The following AKAP6 variants were observed in gnomAD, a reference collection of about 807,000 sequenced individuals.
AKAP6 encodes A-kinase anchor protein 6.
A neutral mutation model predicts 188.5 loss-of-function variants in AKAP6; 58 were observed. The ratio of observed to expected loss-of-function variants is 0.31; its 90% CI spans 0.25 to 0.38. The LOEUF is 0.38. Among genes scored for constraint, AKAP6 ranks in the 10% least tolerant of loss-of-function variants. AKAP6 has a pLI of 1.00. For missense variants in AKAP6, 2,710 were observed against 2,740.0 expected, an observed-to-expected ratio of 0.99 and a Z score of 0.24; for synonymous variants, 989 against 998.6, an observed-to-expected ratio of 0.99 and a Z score of 0.18.
intron 8 of AKAP6, 140 bp from the exon 9 acceptor site, chr14:32,695,850 T>C: frequency 9.2e-7 from 1 of 1,083,764 alleles, no homozygotes; most frequent in Non-Finnish European, 1.3e-6. Context: ...GCCCAGTGTG[T>C]AACAACATAG....
chr14:32,823,070 A>G lies in AKAP6; in HGVS notation c.5257A>G (p.Ser1753Gly). Residue 1753 changes from serine to glycine, a missense_variant, in exon 13 of 14, where the codon AGC (serine) becomes GGC (glycine). Physicochemically the swap from Ser to Gly is moderately conservative, Grantham distance 56 (BLOSUM62 0). This residue lies in a region of AKAP6 where 2,473 missense variants were observed against 2,426.1 expected (regional missense o/e 1.02). Coordinates refer to ENST00000280979, the MANE Select transcript of AKAP6 (RefSeq NM_004274.5). ...TSACTDDEDD[S>G]DLLSSSTLTL... ...TGCTTGCACTGATGATGAAGATGAC[A>G]GCGACCTGCTCTCCAGCTCTACCCT... is the stretch of plus-strand genomic sequence containing the variant. The G allele has an allele frequency of 6.2e-7, 1 of 1,613,856 alleles. No individual in the cohort carries two copies. Among genetic ancestry groups the G allele is most frequent in the Non-Finnish European group, 8.5e-7 (1 of 1,179,906 alleles).
At chr14:32,537,399 G>T (rs991882622) in intron 3 of AKAP6, among the ~76,000 whole-genome samples, 4 of 152,168 alleles carry the variant, frequency 2.6e-5, no homozygotes, top group Non-Finnish European at 5.9e-5. Flanking sequence ...TTGTGGTTAT[G>T]GGAGACTACA....
chr14:32,725,054 T>C (rs1322337195), intron 9 of AKAP6, among the ~76,000 whole-genome samples: 2 of 133,824 alleles, frequency 1.5e-5, no homozygotes, highest in East Asian at 4.6e-4. Flanking sequence ...AACAATATTG[T>C]TCAGTGTGGG....
At chr14:32,721,947 T>A (rs184962285) in intron 9 of AKAP6, among the ~76,000 whole-genome samples, 2 of 152,342 alleles carry the variant, frequency 1.3e-5, no homozygotes, top group East Asian at 3.9e-4. Context: ...ACTTCTCATC[T>A]CTGCCTGAAC....
At chr14:32,674,270 A>C (rs1889338236) in intron 7 of AKAP6, among the ~76,000 whole-genome samples, 1 of 152,232 alleles carries the variant, frequency 6.6e-6, no homozygotes, top group South Asian at 2.1e-4. Context: ...GGCCATGGGT[A>C]GAATTTTGTT....
chr14:32,368,876 G>GA (rs150876565), intron 1 of AKAP6, among the ~76,000 whole-genome samples: 5,724 of 135,052 alleles, frequency 0.042, 347 homozygotes, highest in African/African-American at 0.14. Flanking sequence ...ATATTAAGAA[G>GA]AAGAAAAAAA....
intron 11 of AKAP6, among the ~76,000 whole-genome samples, chr14:32,737,355 A>G (rs1226094283): frequency 6.6e-6 from 1 of 152,176 alleles, no homozygotes; most frequent in East Asian, 1.9e-4. Context: ...AGTGTTTGGT[A>G]TATGATTAAT....
Position 32,557,205 on chromosome 14 carries a change from GC to G in AKAP6, c.2346+10208del, listed in dbSNP as rs540584962. Among the ~76,000 whole-genome samples the G allele has an allele frequency of 7.9e-5, 12 of 152,208 alleles. No homozygotes were observed. In the South Asian group the frequency reaches 2.5e-3, roughly 32 times the overall value. ...GAGCTTAGTTGATCTTCCCACCTCAGCCTACCCAGTAGCTGGGACTACAGGT... is the reference window on the plus strand; with the variant it reads ...GAGCTTAGTTGATCTTCCCACCTCAGCTACCCAGTAGCTGGGACTACAGGT... On this transcript the variant is annotated intron_variant, in intron 4 of 13. Transcript: ENST00000280979.
chr14:32,361,644 G>C (rs1223864509), intron 1 of AKAP6, among the ~76,000 whole-genome samples: 1 of 152,208 alleles, frequency 6.6e-6, no homozygotes, highest in Non-Finnish European at 1.5e-5. Flanking sequence ...TCTACCTGCA[G>C]TTATGATTAG....
chr14:32,454,888 C>CCTCCTTCCCTCCTTCT (rs1455432067), intron 2 of AKAP6, among the ~76,000 whole-genome samples: 1 of 67,728 alleles, frequency 1.5e-5, no homozygotes, highest in Admixed American at 1.3e-4. Flanking sequence ...TCCTTCCCTC[C>CCTCCTTCCCTCCTTCT]CTCCTTCCCT....
chr14:32,546,523 T>C lies in AKAP6; in HGVS notation c.1870T>C (p.Trp624Arg), dbSNP rs770927327. 1 of 1,614,176 alleles carries C rather than the reference T, an allele frequency of 6.2e-7. No homozygotes were observed. The highest frequency in any genetic ancestry group is 2.2e-5 in the East Asian group (1 of 44,884). ...VTRNGEVVEA[W>R]YGSDEYLALP... ...TAGGAATGGTGAGGTTGTGGAGGCC[T>C]GGTATGGCTCTGATGAATACCTAGC... The change falls in exon 4 of 14, where the codon TGG (tryptophan) becomes CGG (arginine). Residue 624 changes from tryptophan (W) to arginine (R), a missense_variant. Around this residue, in one of 2 missense-constraint regions of AKAP6, gnomAD observed 2,473 missense variants for 2,426.1 expected, o/e 1.02. Transcript: ENST00000280979.
Position 32,732,450 on chromosome 14 carries a change from T to A in AKAP6, c.3001-4T>A, listed in dbSNP as rs758243625. 5.0e-6 allele frequency: 8 copies of A among 1,606,618 alleles called. No homozygotes were observed. Among genetic ancestry groups the A allele is most frequent in the Non-Finnish European group, 5.9e-6 (7 of 1,177,254 alleles). ...TGATATCTCTTTTTCTCTTTTCATT[T>A]TAGCGATACAGTGTGGAAATGTCCA... On this transcript the variant is annotated splice_region_variant and splice_polypyrimidine_tract_variant and intron_variant, in intron 9 of 13. Transcript: ENST00000280979.
Position 32,723,557 on chromosome 14 carries a change from T to TGTGTGTGTGTGTGTG in AKAP6, c.3001-8897_3001-8896insGTGTGTGTGTGTGTG, listed in dbSNP as rs35237019. Among the ~76,000 whole-genome samples, 11 of 141,204 alleles carry TGTGTGTGTGTGTGTG rather than the reference T, an allele frequency of 7.8e-5. 1 individual carries two copies. The highest frequency in any genetic ancestry group is 2.9e-4 in the African/African-American group (11 of 38,368). The allele number at this position is 141,204 out of a possible 152,430, so 92.6% of individuals were successfully genotyped here. ...AATATATATATGTGTGCGTATGTGT[T>TGTGTGTGTGTGTGTG]TATGTGTGTGTGTGTGTGTGTGTGT... is the stretch of plus-strand genomic sequence containing the variant. On this transcript the variant is annotated intron_variant, in intron 9 of 13. Transcript: ENST00000280979.
intron 1 of AKAP6, among the ~76,000 whole-genome samples, chr14:32,370,998 TC>T (rs1334160854): frequency 5.9e-5 from 9 of 152,234 alleles, no homozygotes; most frequent in Admixed American, 5.2e-4. Context: ...CAGGCTGATT[TC>T]TTTTGAGGGA....
chr14:32,822,915 C>T lies in AKAP6; in HGVS notation c.5102C>T (p.Ser1701Leu), dbSNP rs556059201. 5.1e-5 allele frequency: 82 copies of T among 1,613,732 alleles called. 2 individuals are homozygous for T. The South Asian group carries it at 8.9e-4, about 18-fold the overall frequency. ...LSSSDELSLC[S>L]EDIVLHKNKI... ...AGCAGTGACGAGCTCTCTCTTTGCT[C>T]AGAGGATATTGTGTTACACAAGAAC... is the stretch of plus-strand genomic sequence containing the variant. The change falls in exon 13 of 14, where the codon TCA becomes TTA. Residue 1701 changes from serine (S) to leucine (L), a missense_variant. Ser to Leu is a moderately radical substitution (Grantham distance 145, BLOSUM62 -2). This residue lies in a region of AKAP6 where 2,473 missense variants were observed against 2,426.1 expected (regional missense o/e 1.02). Coordinates refer to ENST00000280979, the MANE Select transcript of AKAP6 (RefSeq NM_004274.5).
rs1324981451 is a variant in AKAP6, at chr14:32,752,653, C to A, written c.3372+16771C>A. The stretch of plus-strand genomic sequence containing the variant: ...TTGCTTTCTAACTGAAACTTTGTCA[C>A]CCTTTGACTAAAATCTCTTCACCCC... On this transcript the variant is annotated intron_variant, in intron 11 of 13. Transcript: ENST00000280979. Among the ~76,000 whole-genome samples the A allele has an allele frequency of 3.9e-5, 6 of 152,142 alleles. No homozygotes were observed. In the East Asian group the frequency reaches 9.6e-4, roughly 24 times the overall value.
In AKAP6 at chr14:32,773,872, A is replaced by G. The variant is rs376332714; in HGVS notation, c.3567A>G (p.Gln1189=). ...MQAVQWQTRL[Q]KKMGKESETL... is the part of the protein sequence containing the mutation. ...CCGTCCAGTGGCAAACACGTCTACA[A>G]AAGAAGATGGGAAAGGAATCTGTGA... The change falls in exon 12 of 14, where the codon CAA becomes CAG. Residue 1189 remains glutamine, a synonymous_variant. Transcript: ENST00000280979. 8.7e-6 allele frequency: 14 copies of G among 1,613,956 alleles called. No homozygotes were observed. The highest frequency in any genetic ancestry group is 1.2e-5 in the Non-Finnish European group (14 of 1,179,950).
At chr14:32,573,456 T>C (rs182448356) in intron 4 of AKAP6, among the ~76,000 whole-genome samples, 9 of 152,266 alleles carry the variant, frequency 5.9e-5, no homozygotes. Context: ...CCGATACAGA[T>C]ATAATAATTT....
chr14:32,450,479 G>A (rs560852975), intron 2 of AKAP6, among the ~76,000 whole-genome samples: 2 of 152,250 alleles, frequency 1.3e-5, no homozygotes, highest in East Asian at 3.9e-4. Context: ...CCTGCAAGGG[G>A]CAGGGCATAT....
Sources: gnomAD v4.1 joint callset for allele counts (sites outside exome capture counted in the v4.1 genomes callset) on GRCh38, gnomAD v4.1.1 for gene constraint, gnomAD v4.1.1 regional missense constraint, MANE v1.5 for transcripts, NCBI Gene and HGNC (gene_info 2026-07-23, HGNC 2026-07-21) for gene names.